The following UBR4 variants were observed in gnomAD, a reference collection of about 807,000 sequenced individuals.
UBR4 encodes ubiquitin protein ligase E3 component n-recognin 4.
UBR4 carries 124 observed loss-of-function variants against 575.6 expected under a neutral mutation model. The ratio of observed to expected loss-of-function variants is 0.22; its 90% CI spans 0.19 to 0.25. The LOEUF (loss-of-function observed/expected upper bound fraction) is 0.25, where lower values mean the gene tolerates loss of function less well. UBR4 is among the 10% of genes least tolerant of loss of function. The pLI, the probability that UBR4 is intolerant of heterozygous loss-of-function variation, is 1.00. For missense variants in UBR4, 4,818 were observed against 6,478.8 expected (o/e 0.74, Z 8.80); for synonymous variants, 2,455 against 2,473.7 (o/e 0.99, Z 0.22).
At chr1:19,172,245 A>G (rs1212942855) in intron 25 of UBR4, among the ~76,000 whole-genome samples, 2 of 152,012 alleles carry the variant, frequency 1.3e-5, no homozygotes, top group Non-Finnish European at 2.9e-5. Flanking sequence ...GGCCAGGCAC[A>G]GTGGCTCATG....
At chr1:19,114,289 G>T (rs6665622) in intron 75 of UBR4, among the ~76,000 whole-genome samples, 6,049 of 152,288 alleles carry the variant, frequency 0.04, 343 homozygotes, top group African/African-American at 0.13. Flanking sequence ...ATACAATGCT[G>T]AGAGAAGTAA....
intron 91 of UBR4, among the ~76,000 whole-genome samples, chr1:19,096,960 A>G (rs906784878): frequency 6.6e-5 from 10 of 151,134 alleles, no homozygotes; most frequent in Non-Finnish European, 1.5e-4. Flanking sequence ...TTTACTGTTC[A>G]TTGCATTTTC....
In UBR4 at chr1:19,110,861, A is replaced by T; in HGVS notation, c.11802-29T>A. ...CAGAAGCAAATAGAAATGGAGTCCTATAATTCACAATCAGGTGTGACACTC... is the reference window on the plus strand; with the variant it reads ...CAGAAGCAAATAGAAATGGAGTCCTTTAATTCACAATCAGGTGTGACACTC... On this transcript the variant is annotated intron_variant, in intron 78 of 105. Transcript: ENST00000375254. The surrounding 1 kb of genome is among the most constrained non-coding windows in gnomAD (Gnocchi z 4.5). The T allele has an allele frequency of 6.2e-7, 1 of 1,602,148 alleles. No homozygotes were observed. Among genetic ancestry groups the T allele is most frequent in the Non-Finnish European group, 8.5e-7 (1 of 1,171,044 alleles).
At chr1:19,084,394 C>T (rs555442103) in intron 102 of UBR4, 110 bp downstream of exon 102, 59 of 1,198,588 alleles carry the variant, frequency 4.9e-5, no homozygotes, top group Non-Finnish European at 6.3e-5. Context: ...TTAGGCCAGA[C>T]GCTTGCTCCG....
At chr1:19,107,986 G>A (rs1437555868) in intron 81 of UBR4, among the ~76,000 whole-genome samples, 5 of 152,100 alleles carry the variant, frequency 3.3e-5, no homozygotes, top group East Asian at 1.9e-4. Context: ...TTCTCATATC[G>A]GTTTCTATAG....
intron 7 of UBR4, 36 bp downstream of exon 7, chr1:19,197,634 A>T (rs1203189529): frequency 1.2e-6 from 2 of 1,609,360 alleles, no homozygotes; most frequent in Admixed American, 1.7e-5. Flanking sequence ...CCCAAAAACA[A>T]AAAAAGTAAA....
At position 19,110,798 on chromosome 1, in the gene UBR4, G is replaced by C; in HGVS notation, c.11836C>G (p.Leu3946Val). 6.2e-7 allele frequency: 1 copy of C among 1,614,184 alleles called. No individual in the cohort carries two copies. Among genetic ancestry groups the C allele is most frequent in the Non-Finnish European group, 8.5e-7 (1 of 1,180,030 alleles). ...GCTGTGGAGACCTTGCCAATAATCA[G>C]GTCATTCATCTGTTGGGTGGCTTCT... The part of the protein sequence containing the change: ...NPEATQQMND[L>V]IIGKVSTALK... Residue 3946 changes from leucine (L) to valine (V), a missense_variant, in exon 79 of 106, where the codon CTG (leucine) becomes GTG (valine). Leu to Val is a conservative substitution (Grantham distance 32). Transcript: ENST00000375254. The surrounding 1 kb of genome is among the most constrained non-coding windows in gnomAD (Gnocchi z 4.5).
intron 87 of UBR4, among the ~76,000 whole-genome samples, 195 bp from the exon 88 acceptor site, chr1:19,101,836 GAAACCCA>G (rs1291588785): frequency 2.0e-5 from 3 of 152,180 alleles, no homozygotes; most frequent in African/African-American, 7.2e-5. Context: ...CATTCAGTTT[GAAACCCA>G]TAACACCCAA....
Position 19,183,908 on chromosome 1 carries a change from G to A in UBR4, c.2099-12C>T, listed in dbSNP as rs1421170004. 4 of 1,613,986 alleles carry A rather than the reference G, an allele frequency of 2.5e-6. No individual in the cohort carries two copies. The highest frequency in any genetic ancestry group is 2.2e-5 in the South Asian group (2 of 91,062). On this transcript the variant is annotated splice_polypyrimidine_tract_variant and intron_variant, in intron 16 of 105. Coordinates refer to ENST00000375254, the MANE Select transcript of UBR4 (RefSeq NM_020765.3). ...TTCATCTGATGAACCTTAAAGACAA[G>A]TAGAAAAGCCAATTATTTAAGCAGC...
chr1:19,165,231 C>T lies in UBR4; in HGVS notation c.4312+18G>A. ...CATCAAAGTTCCCATAAGAAGATTACTAAAAGCTGTCACTCACTCAGCTGG... is the reference window on the plus strand; with the variant it reads ...CATCAAAGTTCCCATAAGAAGATTATTAAAAGCTGTCACTCACTCAGCTGG... On this transcript the variant is annotated intron_variant, in intron 31 of 105. Transcript: ENST00000375254. 6.2e-7 allele frequency: 1 copy of T among 1,606,966 alleles called. No individual in the cohort carries two copies. The highest frequency in any genetic ancestry group is 8.5e-7 in the Non-Finnish European group (1 of 1,173,710).
chr1:19,131,920 A>G (rs1159090101), intron 60 of UBR4, among the ~76,000 whole-genome samples: 2 of 152,140 alleles, frequency 1.3e-5, no homozygotes, highest in East Asian at 3.8e-4. Flanking sequence ...GTATGTTCCC[A>G]ACCATGGTAA....
At chr1:19,167,289 G>A in intron 28 of UBR4, 58 bp from the exon 29 acceptor site, 1 of 1,586,706 alleles carries the variant, frequency 6.3e-7, no homozygotes, top group Non-Finnish European at 8.6e-7. Context: ...AAGCTGCAAA[G>A]CAAGGACAGG....
At position 19,081,473 on chromosome 1, in the gene UBR4, A is replaced by G; in HGVS notation, c.15109T>C (p.Tyr5037His). The G allele has an allele frequency of 6.2e-7, 1 of 1,614,022 alleles. No individual in the cohort carries two copies. The highest frequency in any genetic ancestry group is 8.5e-7 in the Non-Finnish European group (1 of 1,180,014). The change falls in exon 103 of 106, where the codon TAT (tyrosine) becomes CAT (histidine). Residue 5037 changes from tyrosine (Y) to histidine (H), a missense_variant. This residue lies in a region of UBR4 where 212 missense variants were observed against 221.3 expected (regional missense o/e 0.96). Transcript: ENST00000375254. ...ESAFEVDGPY[Y>H]FTVLALHILP... is the part of the protein sequence containing the mutation. ...ATGTGAAGGGCCAAGACTGTGAAAT[A>G]GTAGGGCCCGTCCACTTCAAAGGCA...
rs200768920 is a variant in UBR4, at chr1:19,156,756, C to T, written c.5919+11G>A. The T allele has an allele frequency of 3.4e-4, 546 of 1,610,778 alleles. No homozygotes were observed. Among genetic ancestry groups the T allele is most frequent in the South Asian group, 1.7e-3 (153 of 90,818 alleles). On this transcript the variant is annotated intron_variant, in intron 41 of 105. Transcript: ENST00000375254. ...AGCTCAAGGCAATCAAACCTAGATC[C>T]GGATTTTTACCTTTAGCCCACAAAC...
At position 19,095,695 on chromosome 1, in the gene UBR4, G is replaced by A; in HGVS notation, c.13519-43C>T. ...TCAAAACCCATGAGGCCACATGAGAGTGTAGGACATGGGGGCCAGTAGGAA... is the reference window on the plus strand; with the variant it reads ...TCAAAACCCATGAGGCCACATGAGAATGTAGGACATGGGGGCCAGTAGGAA... On this transcript the variant is annotated intron_variant, in intron 92 of 105. Transcript: ENST00000375254. 1.9e-6 allele frequency: 3 copies of A among 1,585,136 alleles called. No individual in the cohort carries two copies. The South Asian group carries it at 3.3e-5, about 18-fold the overall frequency.
chr1:19,197,797 G>A lies in UBR4; in HGVS notation c.766C>T (p.Leu256=), dbSNP rs1183853842. The change falls in exon 7 of 106, where the codon CTA becomes TTA. Residue 256 remains leucine, a synonymous_variant. Transcript: ENST00000375254. ...GGCAGGTTCAAACATACACGCAGTA[G>A]CTTCTCCGAGCCACCTAAATGAATG... ...SLQELGGSEK[L]LRVCLNLPYF... is the part of the protein sequence containing the mutation. 6.2e-7 allele frequency: 1 copy of A among 1,614,032 alleles called. No individual in the cohort carries two copies. Among genetic ancestry groups the A allele is most frequent in the Non-Finnish European group, 8.5e-7 (1 of 1,180,042 alleles).
At chr1:19,190,650 A>G (rs895818768) in intron 11 of UBR4, among the ~76,000 whole-genome samples, 1 of 152,140 alleles carries the variant, frequency 6.6e-6, no homozygotes, top group Non-Finnish European at 1.5e-5. Context: ...CAGTGACCTC[A>G]AGCCAAAAAA....
At chr1:19,096,426 T>C in intron 92 of UBR4, 97 bp downstream of exon 92, 1 of 1,530,740 alleles carries the variant, frequency 6.5e-7, no homozygotes, top group Non-Finnish European at 8.8e-7. Flanking sequence ...CATGCTGCCC[T>C]CTAGGGTAAA....
At position 19,087,903 on chromosome 1, in the gene UBR4, G is replaced by A; in HGVS notation, c.14457C>T (p.Thr4819=). 6.2e-7 allele frequency: 1 copy of A among 1,608,560 alleles called. No homozygotes were observed. Residue 4819 remains threonine, a synonymous_variant, in exon 99 of 106, where the codon ACC becomes ACT. Coordinates refer to ENST00000375254, the MANE Select transcript of UBR4 (RefSeq NM_020765.3). ...MTTNEKGQVV[T]KTALLKQMEE... ...CCATCTGCTTCAGGAGTGCTGTCTTGGTCACGACCTGGCCCTTTTCATTTG... is the reference window on the plus strand; with the variant it reads ...CCATCTGCTTCAGGAGTGCTGTCTTAGTCACGACCTGGCCCTTTTCATTTG...
Sources: allele counts gnomAD v4.1 joint callset (sites outside exome capture counted in the v4.1 genomes callset), GRCh38; gene constraint gnomAD v4.1.1; regional missense constraint gnomAD v4.1.1; non-coding constraint Gnocchi (gnomAD v3.1); transcripts MANE v1.5; gene names NCBI Gene and HGNC (gene_info 2026-07-23, HGNC 2026-07-21).